UBAC2: variants seen among roughly 807,000 people sequenced by gnomAD.
UBAC2 encodes the protein UBA domain containing 2.
Under a neutral mutation model 44.0 loss-of-function variants are expected in UBAC2, and 26 were observed. The observed-to-expected ratio is 0.59, with a 90% confidence interval of 0.43 to 0.82. UBAC2 has a LOEUF of 0.82. UBAC2 is among the 40% of genes least tolerant of loss of function. The pLI, the probability that UBAC2 is intolerant of heterozygous loss-of-function variation, is 0.00. For synonymous variants in UBAC2, 155 were observed against 154.3 expected, an observed-to-expected ratio of 1.00 and a Z score of -0.04; for missense variants, 329 against 419.4, an observed-to-expected ratio of 0.78 and a Z score of 1.88.
intron 1 of UBAC2, among the ~76,000 whole-genome samples, chr13:99,227,527 G>A (rs1015290142): frequency 6.6e-6 from 1 of 152,226 alleles, no homozygotes; most frequent in African/African-American, 2.4e-5. Flanking sequence ...ATTTGGGAGT[G>A]GGGGTGGGGA....
chr13:99,379,494 G>C (rs1474916688), intron 8 of UBAC2, among the ~76,000 whole-genome samples: 1 of 152,168 alleles, frequency 6.6e-6, no homozygotes, highest in East Asian at 1.9e-4. Context: ...AATATTCATA[G>C]TTCCTTTTCA....
intron 8 of UBAC2, among the ~76,000 whole-genome samples, chr13:99,375,600 T>C (rs2045469249): frequency 6.6e-6 from 1 of 152,180 alleles, no homozygotes; most frequent in African/African-American, 2.4e-5. Flanking sequence ...ACATTTGTTT[T>C]TGACGCACTT....
rs552915631 is a variant in UBAC2, at chr13:99,295,756, G to A, written c.390-18341G>A. 1 of 1,614,130 alleles carries A rather than the reference G, an allele frequency of 6.2e-7. No individual in the cohort carries two copies. The highest frequency in any genetic ancestry group is 1.1e-5 in the South Asian group (1 of 91,084). ...AGCGTAGAGGGTGCACCACAGCAAT[G>A]AAGCGGTCAATACTCAGGCAGGTCA... On this transcript the variant is annotated intron_variant, in intron 4 of 8. Coordinates refer to ENST00000403766, the MANE Select transcript of UBAC2 (RefSeq NM_001144072.2). This position sits in a 1 kb window ranked among gnomAD's most constrained non-coding sequence, Gnocchi z 4.1.
At chr13:99,380,740 G>T (rs1467024040) in intron 8 of UBAC2, among the ~76,000 whole-genome samples, 1 of 152,226 alleles carries the variant, frequency 6.6e-6, no homozygotes, top group Non-Finnish European at 1.5e-5. Context: ...ACCTTCAGGT[G>T]CCCTTTCTTA....
rs1016189458 is a variant in UBAC2 at position 99,215,482 on chromosome 13, C to T, written c.31+14543C>T. 20 of 1,427,444 alleles carry T rather than the reference C, an allele frequency of 1.4e-5. No homozygotes were observed. The Admixed American group carries it at 2.3e-4, about 17-fold the overall frequency. 88.4% of individuals were successfully genotyped at this position (1,427,444 alleles called of 1,614,324 possible). On this transcript the variant is annotated intron_variant, in intron 1 of 8. Transcript: ENST00000403766. Reference sequence around the variant, plus strand: ...ATGAGAATCCAATTCTTCATCTGCACGAATAGCAAGTTGCAAGTGACGAGG... The same window carrying T: ...ATGAGAATCCAATTCTTCATCTGCATGAATAGCAAGTTGCAAGTGACGAGG...
chr13:99,219,464 G>A (rs972229895), intron 1 of UBAC2, among the ~76,000 whole-genome samples: 1 of 152,274 alleles, frequency 6.6e-6, no homozygotes, highest in African/African-American at 2.4e-5. Context: ...AGAAAGAAAC[G>A]GAGTGCCCAT....
chr13:99,318,358 G>C (rs2044521404), intron 6 of UBAC2, among the ~76,000 whole-genome samples: 1 of 151,378 alleles, frequency 6.6e-6, no homozygotes, highest in African/African-American at 2.4e-5. Context: ...GTAGAGATGG[G>C]GTTTCTCCAT....
chr13:99,361,298 G>A (rs192060437), intron 7 of UBAC2, among the ~76,000 whole-genome samples: 2 of 152,260 alleles, frequency 1.3e-5, no homozygotes, highest in Admixed American at 1.3e-4. Context: ...AGAAGACAAA[G>A]TAAAGGAAAC....
chr13:99,323,711 A>T (rs771615863), intron 6 of UBAC2, among the ~76,000 whole-genome samples: 47 of 151,562 alleles, frequency 3.1e-4, no homozygotes, highest in Non-Finnish European at 6.2e-4. Flanking sequence ...TACCTTTCCC[A>T]CTCCTGACCA....
At chr13:99,207,960 CAAAT>C (rs1257579884) in intron 1 of UBAC2, among the ~76,000 whole-genome samples, 2 of 150,324 alleles carry the variant, frequency 1.3e-5, no homozygotes, top group East Asian at 1.9e-4. Flanking sequence ...GGAGATGATG[CAAAT>C]AAATCTTTAT....
intron 4 of UBAC2, chr13:99,254,928 G>T: frequency 6.2e-7 from 1 of 1,614,074 alleles, no homozygotes; most frequent in South Asian, 1.1e-5. Context: ...TACCAGATCG[G>T]AAACTTTTTC....
chr13:99,361,152 C>T (rs955044103), intron 7 of UBAC2, among the ~76,000 whole-genome samples: 4 of 152,212 alleles, frequency 2.6e-5, no homozygotes, highest in Non-Finnish European at 4.4e-5. Flanking sequence ...TTCATTCATA[C>T]ATGTATATAT....
chr13:99,338,047 C>CTTTTTCTTTTTTTTTTTTTTTTT (rs2044821100), intron 6 of UBAC2, among the ~76,000 whole-genome samples: 20 of 48,872 alleles, frequency 4.1e-4, no homozygotes, highest in African/African-American at 1.2e-3. Flanking sequence ...TTCTTTTTTT[C>CTTTTTCTTTTTTTTTTTTTTTTT]TTTTTTTTTT....
chr13:99,332,052 A>G (rs1311043093), intron 6 of UBAC2, among the ~76,000 whole-genome samples: 1 of 152,112 alleles, frequency 6.6e-6, no homozygotes, highest in Non-Finnish European at 1.5e-5. Flanking sequence ...TGCAGAGGCA[A>G]TATCATGCCC....
At chr13:99,330,473 A>AAAAAAAAAAAAAAAAAAAG (rs1464734318) in intron 6 of UBAC2, among the ~76,000 whole-genome samples, 1 of 149,332 alleles carries the variant, frequency 6.7e-6, no homozygotes, top group African/African-American at 2.4e-5. Flanking sequence ...AAAAAAAAAA[A>AAAAAAAAAAAAAAAAAAAG]AAAGAAATAC....
At chr13:99,336,866 G>A (rs1355141998) in intron 6 of UBAC2, among the ~76,000 whole-genome samples, 2 of 152,002 alleles carry the variant, frequency 1.3e-5, no homozygotes, top group Non-Finnish European at 2.9e-5. Context: ...CACCATGCAG[G>A]TACAGACCAT....
chr13:99,213,413 T>C (rs1286929883), intron 1 of UBAC2, among the ~76,000 whole-genome samples: 4 of 151,918 alleles, frequency 2.6e-5, no homozygotes, highest in African/African-American at 7.3e-5. Context: ...CAGCCTGGAG[T>C]GCAATGGTGT....
intron 8 of UBAC2, chr13:99,372,205 G>A (rs1490292789): frequency 6.6e-6 from 1 of 152,380 alleles, no homozygotes; most frequent in East Asian, 1.9e-4. Context: ...CACAAGGCGA[G>A]ATGTCTGCTC....
chr13:99,314,521 A>G (rs1426574062), intron 5 of UBAC2, among the ~76,000 whole-genome samples: 1 of 152,222 alleles, frequency 6.6e-6, no homozygotes, highest in Non-Finnish European at 1.5e-5. Context: ...TTTAACAATC[A>G]TAGTATGAAG....
Sources: gnomAD v4.1 joint callset for allele counts (sites outside exome capture counted in the v4.1 genomes callset) on GRCh38, gnomAD v4.1.1 for gene constraint, Gnocchi (gnomAD v3.1) non-coding constraint, MANE v1.5 for transcripts, NCBI Gene and HGNC (gene_info 2026-07-23, HGNC 2026-07-21) for gene names.